NKAIN2: variants seen among roughly 807,000 people sequenced by gnomAD.
NKAIN2 encodes the protein sodium/potassium transporting ATPase interacting 2, also known as sodium/potassium-transporting ATPase subunit beta-1-interacting protein 2.
Under a neutral mutation model 32.6 loss-of-function variants are expected in NKAIN2, and 14 were observed. That is an observed-to-expected ratio of 0.43 (90% CI 0.28 to 0.67). NKAIN2 has a LOEUF of 0.67. NKAIN2 is among the 30% of genes least tolerant of loss of function. The probability of loss-of-function intolerance (pLI) is 0.17; values close to 1 mark genes in which losing one functional copy is unlikely to be tolerated. For synonymous variants in NKAIN2, 80 were observed against 87.2 expected (o/e 0.92, Z 0.46); for missense variants, 198 against 258.3 (o/e 0.77, Z 1.60).
At chr6:124,109,939 G>T (rs2114967512) in intron 1 of NKAIN2, among the ~76,000 whole-genome samples, 2 of 152,034 alleles carry the variant, frequency 1.3e-5, no homozygotes, top group Non-Finnish European at 2.9e-5. Flanking sequence ...TTGCATCACA[G>T]GAATAAATGC....
chr6:124,407,631 T>C (rs1434351836), intron 3 of NKAIN2, among the ~76,000 whole-genome samples: 2 of 152,078 alleles, frequency 1.3e-5, no homozygotes, highest in Non-Finnish European at 2.9e-5. Flanking sequence ...GTCTTTGCTA[T>C]TGTGACTAGT....
At chr6:123,917,360 G>A (rs1419684585) in intron 1 of NKAIN2, among the ~76,000 whole-genome samples, 1 of 151,868 alleles carries the variant, frequency 6.6e-6, no homozygotes, top group African/African-American at 2.4e-5. Context: ...TTTGAAGTTG[G>A]TATAAAAGTA....
chr6:124,419,625 AC>A (rs1351016126), intron 3 of NKAIN2, among the ~76,000 whole-genome samples: 1 of 152,192 alleles, frequency 6.6e-6, no homozygotes, highest in East Asian at 1.9e-4. Context: ...TTAGAAAGCA[AC>A]AAGTTCATAG....
At chr6:123,917,643 T>TTTTCTACATCCC (rs1193677505) in intron 1 of NKAIN2, among the ~76,000 whole-genome samples, 1 of 152,124 alleles carries the variant, frequency 6.6e-6, no homozygotes, top group Non-Finnish European at 1.5e-5. Context: ...CTTGTATTCC[T>TTTTCTACATCCC]TTTCTACATC....
chr6:123,893,136 C>T (rs9490991), intron 1 of NKAIN2, among the ~76,000 whole-genome samples: 36 of 151,780 alleles, frequency 2.4e-4, no homozygotes, highest in Admixed American at 1.6e-3. Context: ...GCTCCACGAA[C>T]TTCTTTCAGT....
intron 2 of NKAIN2, among the ~76,000 whole-genome samples, chr6:124,290,704 T>G (rs1214248297): frequency 4.0e-5 from 6 of 151,642 alleles, no homozygotes; most frequent in Non-Finnish European, 7.4e-5. Flanking sequence ...TTTTTTTTTT[T>G]GTAAGAAACA....
chr6:124,510,017 C>A (rs143077627), intron 3 of NKAIN2, among the ~76,000 whole-genome samples: 1,983 of 152,076 alleles, frequency 0.013, 46 homozygotes, highest in African/African-American at 0.046. Flanking sequence ...CTATTCAAAC[C>A]AAGAGCCTCT....
chr6:123,922,181 G>A (rs1775788868), intron 1 of NKAIN2, among the ~76,000 whole-genome samples: 1 of 152,128 alleles, frequency 6.6e-6, no homozygotes, highest in African/African-American at 2.4e-5. Context: ...ATTTTTGGTT[G>A]ATAGGCAACT....
chr6:124,062,772 C>T (rs1272045831), intron 1 of NKAIN2, among the ~76,000 whole-genome samples: 1 of 152,062 alleles, frequency 6.6e-6, no homozygotes, highest in Non-Finnish European at 1.5e-5. Flanking sequence ...ATTTCTATTC[C>T]AAAATAATTT....
chr6:124,158,393 T>A (rs1382801560), intron 1 of NKAIN2, among the ~76,000 whole-genome samples: 1 of 152,188 alleles, frequency 6.6e-6, no homozygotes, highest in Non-Finnish European at 1.5e-5. Context: ...AGTTTCCACA[T>A]GTGGATTTTG....
intron 1 of NKAIN2, among the ~76,000 whole-genome samples, chr6:123,984,819 A>G (rs1376805128): frequency 6.6e-6 from 1 of 152,208 alleles, no homozygotes; most frequent in East Asian, 1.9e-4. Context: ...AGCAGTTGAG[A>G]CATGTATTGA....
chr6:123,933,221 A>G (rs766967130), intron 1 of NKAIN2, among the ~76,000 whole-genome samples: 1 of 152,198 alleles, frequency 6.6e-6, no homozygotes, highest in Admixed American at 6.5e-5. Flanking sequence ...TCAACTTGTC[A>G]TGATGTTTTA....
At chr6:124,584,721 GATC>G (rs1781650312) in intron 3 of NKAIN2, among the ~76,000 whole-genome samples, 1 of 150,108 alleles carries the variant, frequency 6.7e-6, no homozygotes. Context: ...GAACATCACT[GATC>G]ATCAGAGAAA....
intron 3 of NKAIN2, among the ~76,000 whole-genome samples, chr6:124,389,191 G>C (rs544629094): frequency 9.8e-4 from 149 of 152,160 alleles, no homozygotes; most frequent in African/African-American, 1.9e-3. Context: ...AGTGTTTGCT[G>C]TGACTTTATA....
At chr6:124,609,417 G>GAGAAAA (rs113510669) in intron 3 of NKAIN2, among the ~76,000 whole-genome samples, 1 of 151,870 alleles carries the variant, frequency 6.6e-6, no homozygotes, top group African/African-American at 2.4e-5. Flanking sequence ...TCGGGATGAA[G>GAGAAAA]TGTAGCATCT....
chr6:124,230,972 C>T (rs988476811), intron 1 of NKAIN2, among the ~76,000 whole-genome samples: 11 of 152,150 alleles, frequency 7.2e-5, no homozygotes, highest in Admixed American at 2.6e-4. Flanking sequence ...TGGCAGCTTG[C>T]GCTCTGCATC....
At chr6:124,520,523 G>A (rs1451756425) in intron 3 of NKAIN2, among the ~76,000 whole-genome samples, 2 of 151,976 alleles carry the variant, frequency 1.3e-5, no homozygotes, top group East Asian at 3.9e-4. Context: ...CAACATTAAC[G>A]ACTAGTTTCA....
At chr6:123,936,691 G>A (rs984188234) in intron 1 of NKAIN2, among the ~76,000 whole-genome samples, 1 of 152,078 alleles carries the variant, frequency 6.6e-6, no homozygotes, top group Non-Finnish European at 1.5e-5. Context: ...GACTTTTGAT[G>A]TTAGGGCTGA....
chr6:124,151,960 A>T lies in NKAIN2; in HGVS notation c.55-131045A>T, dbSNP rs112389454. On this transcript the variant is annotated intron_variant, in intron 1 of 6. Transcript: ENST00000368417. The stretch of plus-strand genomic sequence containing the variant: ...TATCTCTTGAATAATAGATATATTT[A>T]CTTTTAATGAAGTCCAACTGATCCT... Among the ~76,000 whole-genome samples the T allele has an allele frequency of 1.8e-3, 272 of 151,996 alleles. 1 individual carries two copies. The highest frequency in any genetic ancestry group is 6.4e-3 in the African/African-American group (267 of 41,516).
Sources: gnomAD v4.1 joint callset for allele counts (sites outside exome capture counted in the v4.1 genomes callset) on GRCh38, gnomAD v4.1.1 for gene constraint, MANE v1.5 for transcripts, NCBI Gene and HGNC (gene_info 2026-07-23, HGNC 2026-07-21) for gene names.